PARP4: variants seen among roughly 807,000 people sequenced by gnomAD.
PARP4 encodes the protein poly(ADP-ribose) polymerase family member 4, also known as protein mono-ADP-ribosyltransferase PARP4.
PARP4 carries 120 observed loss-of-function variants against 187.7 expected under a neutral mutation model. That is an observed-to-expected ratio of 0.64 (90% CI 0.55 to 0.74). The LOEUF (loss-of-function observed/expected upper bound fraction) is 0.74. Among genes scored for constraint, PARP4 ranks in the 30% least tolerant of loss-of-function variants. The pLI is 0.00. For missense variants in PARP4, 1,836 were observed against 2,070.5 expected (o/e 0.89, Z 2.20); for synonymous variants, 654 against 740.9 (o/e 0.88, Z 1.90).
intron 24 of PARP4, chr13:24,451,909 A>T (rs1871539408): frequency 1.3e-5 from 2 of 153,322 alleles, no homozygotes; most frequent in African/African-American, 4.8e-5. Flanking sequence ...AGTGCTCATA[A>T]TGGCCAGAAA....
rs572444697 is a variant in PARP4 at position 24,446,752 on chromosome 13, A to G, written c.3295T>C (p.Cys1099Arg). ...AATTCTTTCTCTTGAATTAGTGCACACAGAGTTGCCTGAAATGGGGAAAAA... is the reference window on the plus strand; with the variant it reads ...AATTCTTTCTCTTGAATTAGTGCACGCAGAGTTGCCTGAAATGGGGAAAAA... The part of the protein sequence containing the change: ...FIPHCTQATL[C>R]ALIQEKEFRT... The change falls in exon 27 of 34, where the codon TGT becomes CGT. Residue 1099 changes from cysteine to arginine, a missense_variant. This residue lies in a region of PARP4 where 56 missense variants were observed against 56.6 expected (regional missense o/e 0.99). Transcript: ENST00000381989. The G allele has an allele frequency of 3.8e-5, 60 of 1,590,716 alleles. No homozygotes were observed. Among genetic ancestry groups the G allele is most frequent in the Middle Eastern group, 1.7e-4 (1 of 6,042 alleles).
chr13:24,465,403 G>A (rs1872408434), intron 17 of PARP4, among the ~76,000 whole-genome samples: 1 of 152,046 alleles, frequency 6.6e-6, no homozygotes, highest in African/African-American at 2.4e-5. Context: ...GCCCATCAAT[G>A]ATAGACTGGA....
At chr13:24,467,223 C>T (rs905499206) in intron 17 of PARP4, among the ~76,000 whole-genome samples, 11 of 152,160 alleles carry the variant, frequency 7.2e-5, no homozygotes, top group African/African-American at 2.4e-4. Context: ...TCCTTGGTTT[C>T]GGCACCACAA....
At chr13:24,484,983 G>A (rs1342346682) in intron 11 of PARP4, among the ~76,000 whole-genome samples, 1 of 152,146 alleles carries the variant, frequency 6.6e-6, no homozygotes, top group Non-Finnish European at 1.5e-5. Context: ...TAGCTTTTGG[G>A]TTTTGGTCCT....
At position 24,442,146 on chromosome 13, in the gene PARP4, G is replaced by A. The variant is rs1424362643; in HGVS notation, c.3544-178C>T. Among the ~76,000 whole-genome samples, 53 of 150,798 alleles carry A rather than the reference G, an allele frequency of 3.5e-4. 1 individual carries two copies. Among genetic ancestry groups the A allele is most frequent in the Non-Finnish European group, 6.2e-4 (42 of 67,468 alleles). On this transcript the variant is annotated intron_variant, in intron 29 of 33. Coordinates refer to ENST00000381989, the MANE Select transcript of PARP4 (RefSeq NM_006437.4). ...GAGGTGGAGTGGCTTTCCTCTTTAC[G>A]GAGCACTGGCAGGTGCTGGCCACTG...
intron 17 of PARP4, among the ~76,000 whole-genome samples, chr13:24,464,423 C>G (rs941198541): frequency 7.2e-5 from 11 of 152,166 alleles, no homozygotes; most frequent in African/African-American, 2.7e-4. Context: ...GTAATCAAAA[C>G]AGCATGGTAC....
rs762605728 is a variant in PARP4, at chr13:24,501,776, A to T, written c.191T>A (p.Ile64Asn). The T allele has an allele frequency of 4.3e-6, 7 of 1,613,094 alleles. No homozygotes were observed. Among genetic ancestry groups the T allele is most frequent in the Non-Finnish European group, 5.1e-6 (6 of 1,179,192 alleles). ...DVLSQYQLNS[I>N]QKNHVHIANP... Reference sequence around the variant, plus strand: ...TGCAATATGAACGTGGTTCTTTTGGATAGAATTCAGTTGGTACTGACTCAG... The same window carrying T: ...TGCAATATGAACGTGGTTCTTTTGGTTAGAATTCAGTTGGTACTGACTCAG... The change falls in exon 3 of 34, where the codon ATC (isoleucine) becomes AAC (asparagine). Residue 64 changes from isoleucine to asparagine, a missense_variant. Transcript: ENST00000381989.
chr13:24,508,131 CTATTTAGGTTAATCTA>C (rs1430998968), intron 1 of PARP4, among the ~76,000 whole-genome samples: 2 of 152,104 alleles, frequency 1.3e-5, no homozygotes, highest in Non-Finnish European at 2.9e-5. Context: ...TTACACCACA[CTATTTAGGTTAATCTA>C]TGCTAGTCGT....
chr13:24,483,779 A>G (rs1310663085), intron 12 of PARP4, among the ~76,000 whole-genome samples: 1 of 151,990 alleles, frequency 6.6e-6, no homozygotes, highest in Non-Finnish European at 1.5e-5. Context: ...GGTGCACACC[A>G]CCACGCCCAG....
At position 24,449,822 on chromosome 13, in the gene PARP4, T is replaced by C; in HGVS notation, c.3015-5A>G. 1 of 1,516,404 alleles carries C rather than the reference T, an allele frequency of 6.6e-7. No homozygotes were observed. The highest frequency in any genetic ancestry group is 1.1e-5 in the South Asian group (1 of 87,542). 93.9% of individuals were successfully genotyped at this position (1,516,404 alleles called of 1,614,324 possible). On this transcript the variant is annotated splice_polypyrimidine_tract_variant and splice_region_variant and intron_variant, in intron 24 of 33. Transcript: ENST00000381989. ...ACGTGACGATTTGCTGTAGAACTGATCACATTTCACATGTTTTAATTTTGA... is the reference window on the plus strand; with the variant it reads ...ACGTGACGATTTGCTGTAGAACTGACCACATTTCACATGTTTTAATTTTGA...
intron 32 of PARP4, among the ~76,000 whole-genome samples, chr13:24,428,094 T>C (rs557848833): frequency 3.2e-4 from 48 of 152,248 alleles, no homozygotes; most frequent in Admixed American, 5.9e-4. Flanking sequence ...AAAAGACAGC[T>C]TGAGACTCTA....
Position 24,478,208 on chromosome 13 carries a change from G to C in PARP4, c.1517C>G (p.Ala506Gly). ...ATGTAAGTCCATACACTTTCCGAGG[G>C]CTACGTCACAAATGAGCAGGAGTCT... ...GTRLLLICDVALGKCMDLHEK... is the reference protein window; with the variant it reads ...GTRLLLICDVGLGKCMDLHEK... Residue 506 changes from alanine to glycine, a missense_variant, in exon 13 of 34, where the codon GCC (alanine) becomes GGC (glycine). Physicochemically the swap from Ala to Gly is moderately conservative, Grantham distance 60 (BLOSUM62 0). Around this residue, in one of 8 missense-constraint regions of PARP4, gnomAD observed 1,147 missense variants for 1,214.2 expected, o/e 0.94. Transcript: ENST00000381989. 6.2e-7 allele frequency: 1 copy of C among 1,613,488 alleles called. No homozygotes were observed. The highest frequency in any genetic ancestry group is 8.5e-7 in the Non-Finnish European group (1 of 1,179,660).
In PARP4 at chr13:24,420,951, T is replaced by A; in HGVS notation, c.*168A>T. ...TGAAATATTTTAAGTTTCATTTTAT[T>A]ATTGCTTGTTAGTTGATTAAAGTAA... On this transcript the variant is annotated 3_prime_UTR_variant, in exon 34 of 34. Coordinates refer to ENST00000381989, the MANE Select transcript of PARP4 (RefSeq NM_006437.4). The A allele has an allele frequency of 1.3e-6, 1 of 771,224 alleles. No individual in the cohort carries two copies. The allele number at this position is 771,224 out of a possible 1,614,324, so 47.8% of individuals were successfully genotyped here. A position where few individuals can be genotyped will look rare whatever the true frequency, so the allele number is the denominator to read the frequency against.
chr13:24,468,265 G>A (rs932170180), intron 17 of PARP4, among the ~76,000 whole-genome samples: 2 of 152,178 alleles, frequency 1.3e-5, no homozygotes, highest in African/African-American at 4.8e-5. Context: ...TCCACGTCAC[G>A]TCCCTGCTAA....
At chr13:24,468,058 A>C (rs538000467) in intron 17 of PARP4, among the ~76,000 whole-genome samples, 1 of 152,326 alleles carries the variant, frequency 6.6e-6, no homozygotes, top group East Asian at 1.9e-4. Context: ...TAAATTTTCA[A>C]AACACCATGG....
intron 12 of PARP4, among the ~76,000 whole-genome samples, chr13:24,479,835 TG>T (rs1466485817): frequency 6.6e-6 from 1 of 152,218 alleles, no homozygotes; most frequent in East Asian, 1.9e-4. Context: ...CAATAAATCT[TG>T]CTACTGCTCA....
chr13:24,470,030 A>AG lies in PARP4; in HGVS notation c.1915-6dup. On this transcript the variant is annotated splice_polypyrimidine_tract_variant and splice_region_variant and intron_variant, in intron 15 of 33. Coordinates refer to ENST00000381989, the MANE Select transcript of PARP4 (RefSeq NM_006437.4). The stretch of plus-strand genomic sequence containing the variant: ...GTATGTCTGAAAAACAATGACCTGA[A>AG]GAAGAAAAAAAATCCATACAATTGA... The AG allele has an allele frequency of 1.2e-6, 2 of 1,611,150 alleles. No individual in the cohort carries two copies. The highest frequency in any genetic ancestry group is 1.7e-6 in the Non-Finnish European group (2 of 1,178,604).
At chr13:24,439,291 C>T (rs1321622343) in intron 30 of PARP4, among the ~76,000 whole-genome samples, 1 of 149,614 alleles carries the variant, frequency 6.7e-6, no homozygotes. Flanking sequence ...GGTGCCACTG[C>T]ACTCCAGCCT....
intron 17 of PARP4, among the ~76,000 whole-genome samples, chr13:24,465,133 A>C (rs965698195): frequency 2.0e-5 from 3 of 152,200 alleles, no homozygotes; most frequent in Non-Finnish European, 4.4e-5. Flanking sequence ...AAAAATCAAG[A>C]AACAACAGAT....
Sources: gnomAD v4.1 joint callset for allele counts (sites outside exome capture counted in the v4.1 genomes callset) on GRCh38, gnomAD v4.1.1 for gene constraint, gnomAD v4.1.1 regional missense constraint, MANE v1.5 for transcripts, NCBI Gene and HGNC (gene_info 2026-07-23, HGNC 2026-07-21) for gene names.